INVS: variants seen among roughly 807,000 people sequenced by gnomAD.
INVS encodes the protein inversin.
In INVS, 86 loss-of-function variants were observed where a neutral mutation model predicts 108.8. The ratio of observed to expected loss-of-function variants is 0.79; its 90% CI spans 0.66 to 0.95. INVS has a LOEUF of 0.95. Ranked by LOEUF, INVS falls within the 40% of genes least tolerant of loss-of-function variation. INVS has a pLI of 0.00. For missense variants in INVS, 1,169 were observed against 1,297.4 expected, an observed-to-expected ratio of 0.90 and a Z score of 1.52; for synonymous variants, 455 against 473.5, an observed-to-expected ratio of 0.96 and a Z score of 0.51.
chr9:100,177,435 T>TG (rs1404564572), intron 3 of INVS, among the ~76,000 whole-genome samples: 1 of 152,074 alleles, frequency 6.6e-6, no homozygotes, highest in East Asian at 1.9e-4. Context: ...TCTAGCTTGG[T>TG]GGGGGGAGGG....
Position 100,246,802 on chromosome 9 carries a change from A to G in INVS, c.1078+15A>G. 6.2e-7 allele frequency: 1 copy of G among 1,611,812 alleles called. No homozygotes were observed. The highest frequency in any genetic ancestry group is 8.5e-7 in the Non-Finnish European group (1 of 1,177,936). On this transcript the variant is annotated intron_variant, in intron 8 of 16. Coordinates refer to ENST00000262457, the MANE Select transcript of INVS (RefSeq NM_014425.5). ...TGGAGGTACAGGTGAGAACTGGTGG[A>G]CACATTCAATTTGCTTTCATTTAGG...
At chr9:100,197,644 G>A (rs973070647) in intron 3 of INVS, among the ~76,000 whole-genome samples, 6 of 152,242 alleles carry the variant, frequency 3.9e-5, no homozygotes, top group Middle Eastern at 3.4e-3. Flanking sequence ...TAACAACCAT[G>A]TAGAAATGTG....
chr9:100,204,566 A>G (rs1473157526), intron 3 of INVS, among the ~76,000 whole-genome samples: 1 of 152,038 alleles, frequency 6.6e-6, no homozygotes, highest in African/African-American at 2.4e-5. Context: ...AGCTTTTTCT[A>G]CTCCCATGAT....
chr9:100,148,206 T>G (rs1828688654), intron 3 of INVS, among the ~76,000 whole-genome samples: 1 of 151,806 alleles, frequency 6.6e-6, no homozygotes, highest in Non-Finnish European at 1.5e-5. Context: ...CCAAAAAGGT[T>G]AAGAATATAA....
chr9:100,292,277 T>G (rs1833641546), intron 13 of INVS, 49 bp from the exon 14 acceptor site: 1 of 1,494,472 alleles, frequency 6.7e-7, no homozygotes, highest in Non-Finnish European at 9.3e-7. Context: ...TTAGGAAAAT[T>G]ATCCTACTCT....
rs552257457 is a variant in INVS at position 100,104,518 on chromosome 9, G to C, written c.-4G>C. 8 of 1,609,796 alleles carry C rather than the reference G, an allele frequency of 5.0e-6. No individual in the cohort carries two copies. The African/African-American group carries it at 5.3e-5, about 11-fold the overall frequency. ...TTCAGGTTGCTCCGGTTGCTAAGAA[G>C]ACTATGAACAAGTCAGAGAACCTGC... On this transcript the variant is annotated 5_prime_UTR_variant, in exon 2 of 17. Coordinates refer to ENST00000262457, the MANE Select transcript of INVS (RefSeq NM_014425.5).
At chr9:100,204,155 C>T (rs1445257126) in intron 3 of INVS, among the ~76,000 whole-genome samples, 1 of 152,046 alleles carries the variant, frequency 6.6e-6, no homozygotes, top group Non-Finnish European at 1.5e-5. Flanking sequence ...AAAAACAATG[C>T]CTTACACAAA....
intron 3 of INVS, among the ~76,000 whole-genome samples, chr9:100,192,348 T>A (rs1830248417): frequency 6.6e-6 from 1 of 151,976 alleles, no homozygotes; most frequent in Non-Finnish European, 1.5e-5. Context: ...TTTTTGAGAT[T>A]TATCCATATT....
intron 3 of INVS, among the ~76,000 whole-genome samples, chr9:100,194,302 T>C (rs995141887): frequency 1.3e-5 from 2 of 152,202 alleles, no homozygotes; most frequent in African/African-American, 4.8e-5. Context: ...TTTAGGTTTG[T>C]AGTGGTATTA....
chr9:100,152,925 A>T (rs1025819305), intron 3 of INVS, among the ~76,000 whole-genome samples: 5 of 152,098 alleles, frequency 3.3e-5, no homozygotes, highest in African/African-American at 1.2e-4. Flanking sequence ...CTGAAATATT[A>T]GACTGTACTT....
intron 3 of INVS, among the ~76,000 whole-genome samples, chr9:100,220,594 G>A (rs1020504788): frequency 6.6e-6 from 1 of 151,812 alleles, no homozygotes; most frequent in South Asian, 2.1e-4. Context: ...TATCTCCTTC[G>A]CTCTTATACT....
chr9:100,162,608 C>T (rs1286068654), intron 3 of INVS, among the ~76,000 whole-genome samples: 1 of 152,170 alleles, frequency 6.6e-6, no homozygotes, highest in Non-Finnish European at 1.5e-5. Flanking sequence ...GATGCTCTTT[C>T]CATTCCTTTG....
At chr9:100,276,278 C>T (rs1833110994) in intron 12 of INVS, among the ~76,000 whole-genome samples, 1 of 152,184 alleles carries the variant, frequency 6.6e-6, no homozygotes, top group Non-Finnish European at 1.5e-5. Flanking sequence ...ATGCTTTTGT[C>T]ACTTGCCAAC....
intron 3 of INVS, among the ~76,000 whole-genome samples, chr9:100,145,516 C>CTT (rs1828575302): frequency 6.6e-6 from 1 of 151,688 alleles, no homozygotes; most frequent in African/African-American, 2.4e-5. Context: ...TCAGGGGGTT[C>CTT]TTGCCCCCTA....
rs1454318784 is a variant in INVS, at chr9:100,284,469, C to G, written c.1934C>G (p.Pro645Arg). 2 of 1,614,172 alleles carry G rather than the reference C, an allele frequency of 1.2e-6. No individual in the cohort carries two copies. ...AGCCGGGCCCCCAGCAAGCAGCCTC[C>G]TGCTGGCAACGTGGCCCAAGGCCCT... ...RQSRAPSKQP[P>R]AGNVAQGPEP... is the part of the protein sequence containing the mutation. Residue 645 changes from proline (P) to arginine (R), a missense_variant, in exon 13 of 17, where the codon CCT (proline) becomes CGT (arginine). Physicochemically the swap from Pro to Arg is moderately radical, Grantham distance 103 (BLOSUM62 -2). Coordinates refer to ENST00000262457, the MANE Select transcript of INVS (RefSeq NM_014425.5).
In INVS at chr9:100,153,983, G is replaced by A. The variant is rs777821208; in HGVS notation, c.273+27434G>A. Reference sequence around the variant, plus strand: ...ATTCAAACCATAGCATTGGTATAACGCTTATGGAGGGAAACATAACAATAT... The same window carrying A: ...ATTCAAACCATAGCATTGGTATAACACTTATGGAGGGAAACATAACAATAT... On this transcript the variant is annotated intron_variant, in intron 3 of 16. Transcript: ENST00000262457. Among the ~76,000 whole-genome samples, 175 of 152,238 alleles carry A rather than the reference G, an allele frequency of 1.1e-3. 5 individuals are homozygous for A. The highest frequency in any genetic ancestry group is 5.2e-4 in the Admixed American group (8 of 15,292).
intron 3 of INVS, among the ~76,000 whole-genome samples, chr9:100,216,023 C>A (rs112390456): frequency 6.6e-6 from 1 of 152,148 alleles, no homozygotes; most frequent in African/African-American, 2.4e-5. Flanking sequence ...AGTGACCAGG[C>A]AATACAGACT....
chr9:100,106,638 A>T (rs1248437888), intron 2 of INVS, among the ~76,000 whole-genome samples: 1 of 152,216 alleles, frequency 6.6e-6, no homozygotes, highest in Non-Finnish European at 1.5e-5. Flanking sequence ...AATAGTACAC[A>T]GTTATGTGGG....
At chr9:100,237,181 G>T (rs1370681574) in intron 5 of INVS, among the ~76,000 whole-genome samples, 1 of 152,124 alleles carries the variant, frequency 6.6e-6, no homozygotes, top group African/African-American at 2.4e-5. Flanking sequence ...GCCTACTCAA[G>T]CCTCAGTAAT....
Sources: allele counts gnomAD v4.1 joint callset (sites outside exome capture counted in the v4.1 genomes callset), GRCh38; gene constraint gnomAD v4.1.1; transcripts MANE v1.5; gene names NCBI Gene and HGNC (gene_info 2026-07-23, HGNC 2026-07-21).